Variants in SDR42E1 observed in about 807,000 individuals in gnomAD.
SDR42E1 encodes short chain dehydrogenase/reductase family 42E, member 1, also known as short-chain dehydrogenase/reductase family 42E member 1.
SDR42E1 carries 5 observed loss-of-function variants against 2.6 expected under a neutral mutation model. The ratio of observed to expected loss-of-function variants is 1.94; its 90% confidence interval spans 1.01 to 4.08. The LOEUF (loss-of-function observed/expected upper bound fraction) is 4.08, where lower values mean the gene tolerates loss of function less well. Ranked by LOEUF, SDR42E1 falls within the 30% of genes most tolerant of loss-of-function variation. The pLI, the probability that SDR42E1 is intolerant of heterozygous loss-of-function variation, is 0.00. For missense variants in SDR42E1, 596 were observed against 478.6 expected (o/e 1.25, Z -2.29); for synonymous variants, 231 against 188.3 (o/e 1.23, Z -1.86).
intron 1 of SDR42E1, among the ~76,000 whole-genome samples, chr16:82,004,529 C>T (rs1912872444): frequency 6.6e-6 from 1 of 152,234 alleles, no homozygotes; most frequent in South Asian, 2.1e-4. Flanking sequence ...GAGACAAGGT[C>T]TCACTCTGTT....
At position 81,999,693 on chromosome 16, in the gene SDR42E1, T is replaced by G. The variant is rs758928469; in HGVS notation, c.600A>C (p.Ile200=). Residue 200 remains isoleucine (I), a synonymous_variant, in exon 3 of 3, where the codon ATA becomes ATC. Coordinates refer to ENST00000328945, the MANE Select transcript of SDR42E1 (RefSeq NM_145168.3). ...GPGEQRHLPR[I]VSYIEKGLFK... is the part of the protein sequence containing the mutation. Reference sequence around the variant, plus strand: ...ACAGACCCTTCTCGATGTAGCTGACTATCCTGGGAAGGTGTCTTTGTTCTC... The same window carrying G: ...ACAGACCCTTCTCGATGTAGCTGACGATCCTGGGAAGGTGTCTTTGTTCTC... 6.2e-7 allele frequency: 1 copy of G among 1,614,200 alleles called. No homozygotes were observed. Among genetic ancestry groups the G allele is most frequent in the Non-Finnish European group, 8.5e-7 (1 of 1,180,034 alleles).
Position 81,999,918 on chromosome 16 carries a change from A to T in SDR42E1, c.375T>A (p.Asn125Lys). Residue 125 changes from asparagine (N) to lysine (K), a missense_variant, in exon 3 of 3, where the codon AAT becomes AAA. Transcript: ENST00000328945. ...VPRLVYTSTF[N>K]VIFGGQVIRN... is the part of the protein sequence containing the mutation. ...TGATAACTTGACCTCCAAAGATGAC[A>T]TTGAAAGTGCTGGTGTAAACTAACC... 1 of 1,614,236 alleles carries T rather than the reference A, an allele frequency of 6.2e-7. No homozygotes were observed. Among genetic ancestry groups the T allele is most frequent in the Non-Finnish European group, 8.5e-7 (1 of 1,180,030 alleles).
intron 1 of SDR42E1, among the ~76,000 whole-genome samples, chr16:82,010,352 G>C (rs7184886): frequency 2.6e-5 from 4 of 152,124 alleles, no homozygotes; most frequent in Non-Finnish European, 5.9e-5. Context: ...ACTTGAAGCC[G>C]GGTCTGTATG....
rs576073821 is a variant in SDR42E1, at chr16:81,999,418, A to G, written c.875T>C (p.Phe292Ser). 1.1e-4 allele frequency: 183 copies of G among 1,614,216 alleles called. No homozygotes were observed. Among genetic ancestry groups the G allele is most frequent in the Admixed American group, 9.0e-4 (54 of 60,034 alleles). Reference sequence around the variant, plus strand: ...AATGAAGTGAACCATCTCTGTTAGAAAAGCAAAGCAGTAGACCAAGGTCAA... The same window carrying G: ...AATGAAGTGAACCATCTCTGTTAGAGAAGCAAAGCAGTAGACCAAGGTCAA... The part of the protein sequence containing the change: ...LPLTLVYCFA[F>S]LTEMVHFILG... Residue 292 changes from phenylalanine (F) to serine (S), a missense_variant, in exon 3 of 3, where the codon TTT becomes TCT. Coordinates refer to ENST00000328945, the MANE Select transcript of SDR42E1 (RefSeq NM_145168.3).
intron 1 of SDR42E1, among the ~76,000 whole-genome samples, chr16:82,011,163 G>A (rs1281546057): frequency 6.6e-6 from 1 of 152,212 alleles, no homozygotes; most frequent in Admixed American, 6.5e-5. Context: ...AATGCGGAGG[G>A]CCAGTGTTTG....
At chr16:82,003,858 T>C (rs1445761120) in intron 1 of SDR42E1, among the ~76,000 whole-genome samples, 1 of 152,258 alleles carries the variant, frequency 6.6e-6, no homozygotes, top group African/African-American at 2.4e-5. Flanking sequence ...ACATAGTAGA[T>C]GCTCAATAAA....
At position 81,989,287 on chromosome 16, in the gene SDR42E1, G is replaced by A. The variant is rs1912374397; in HGVS notation, c.*9824C>T. Reference sequence around the variant, plus strand: ...TGAGTGAGAAACCGTAGTAGCAGAAGGAACTGTGAGGTGGGAGACAGTAGT... The same window carrying A: ...TGAGTGAGAAACCGTAGTAGCAGAAAGAACTGTGAGGTGGGAGACAGTAGT... On this transcript the variant is annotated 3_prime_UTR_variant, in exon 3 of 3. Coordinates refer to ENST00000328945, the MANE Select transcript of SDR42E1 (RefSeq NM_145168.3). 6.6e-6 allele frequency: 1 copy of A among 152,162 alleles called. No individual in the cohort carries two copies. Among genetic ancestry groups the A allele is most frequent in the Admixed American group, 6.5e-5 (1 of 15,272 alleles). 9.4% of individuals were successfully genotyped at this position (152,162 alleles called of 1,614,324 possible). A position where few individuals can be genotyped will look rare whatever the true frequency, so the allele number is the denominator to read the frequency against.
chr16:82,010,781 CA>C (rs1913100890), intron 1 of SDR42E1, among the ~76,000 whole-genome samples: 2 of 152,180 alleles, frequency 1.3e-5, no homozygotes, highest in Non-Finnish European at 2.9e-5. Flanking sequence ...AATACATCGT[CA>C]GGACCGCCTG....
chr16:81,995,696 A>G lies in SDR42E1; in HGVS notation c.*3415T>C, dbSNP rs890538140. On this transcript the variant is annotated 3_prime_UTR_variant, in exon 3 of 3. Coordinates refer to ENST00000328945, the MANE Select transcript of SDR42E1 (RefSeq NM_145168.3). ...GTGTGCTAGAAAAGAGTGTTCATCC[A>G]TAGCAGATGGGAAAACAGCATTCAT... 1.3e-5 allele frequency: 2 copies of G among 152,262 alleles called. No individual in the cohort carries two copies. The highest frequency in any genetic ancestry group is 1.9e-4 in the East Asian group (1 of 5,200). 9.4% of individuals were successfully genotyped at this position (152,262 alleles called of 1,614,324 possible).
In SDR42E1 at chr16:81,997,171, G is replaced by C. The variant is rs991888903; in HGVS notation, c.*1940C>G. 6.6e-6 allele frequency: 1 copy of C among 152,196 alleles called. No individual in the cohort carries two copies. The highest frequency in any genetic ancestry group is 1.5e-5 in the Non-Finnish European group (1 of 68,032). 9.4% of individuals were successfully genotyped at this position (152,196 alleles called of 1,614,324 possible). On this transcript the variant is annotated 3_prime_UTR_variant, in exon 3 of 3. Transcript: ENST00000328945. ...CCCAGTACCACTGCCAGCTTGAATG[G>C]AAAGGGATATAGTGCAAAATGTTAA...
chr16:82,001,961 TACACACAC>T (rs375862551), intron 1 of SDR42E1, among the ~76,000 whole-genome samples: 1 of 137,216 alleles, frequency 7.3e-6, no homozygotes. Flanking sequence ...TGGGTGCGTA[TACACACAC>T]ACACACACAC....
intron 1 of SDR42E1, chr16:82,007,795 G>C (rs894836312): frequency 1.2e-4 from 18 of 152,122 alleles, no homozygotes; most frequent in African/African-American, 2.4e-5. Flanking sequence ...TGGAAATCTG[G>C]GCATTAGACT....
rs1912489714 is a variant in SDR42E1 at position 81,994,158 on chromosome 16, G to C, written c.*4953C>G. The stretch of plus-strand genomic sequence containing the variant: ...AGTGAACTGAAGACTCACGTGAGAG[G>C]ACGATCTGGAATGATGAGCGTCCCG... On this transcript the variant is annotated 3_prime_UTR_variant, in exon 3 of 3. Transcript: ENST00000328945. The C allele has an allele frequency of 6.6e-6, 1 of 152,184 alleles. No homozygotes were observed. Among genetic ancestry groups the C allele is most frequent in the Non-Finnish European group, 1.5e-5 (1 of 68,042 alleles). 9.4% of individuals were successfully genotyped at this position (152,184 alleles called of 1,614,324 possible).
rs1343070857 is a variant in SDR42E1 at position 81,996,020 on chromosome 16, G to A, written c.*3091C>T. On this transcript the variant is annotated 3_prime_UTR_variant, in exon 3 of 3. Transcript: ENST00000328945. ...CCAAAAGGAGGAGCAGGGAGCCTGA[G>A]AAGCTTGGAGCCCAGGAACCTAAAA... is the stretch of plus-strand genomic sequence containing the variant. 6.6e-6 allele frequency: 1 copy of A among 152,308 alleles called. No homozygotes were observed. Among genetic ancestry groups the A allele is most frequent in the Non-Finnish European group, 1.5e-5 (1 of 68,132 alleles). The allele number at this position is 152,308 out of a possible 1,614,324, so 9.4% of individuals were successfully genotyped here. A position where few individuals can be genotyped will look rare whatever the true frequency, so the allele number is the denominator to read the frequency against.
intron 1 of SDR42E1, among the ~76,000 whole-genome samples, chr16:82,006,945 C>A (rs934883011): frequency 2.0e-5 from 3 of 152,224 alleles, no homozygotes; most frequent in Non-Finnish European, 2.9e-5. Flanking sequence ...GGACAGCTGT[C>A]TATAATTCAG....
rs572676726 is a variant in SDR42E1, at chr16:82,000,034, G to T, written c.259C>A (p.Arg87=). The T allele has an allele frequency of 1.2e-6, 2 of 1,614,114 alleles. No individual in the cohort carries two copies. The highest frequency in any genetic ancestry group is 1.7e-6 in the Non-Finnish European group (2 of 1,180,006). ...FHIASYGMSG[R]EQLNRNLIKE... ...ATCAGGTTTCGATTGAGTTGCTCCC[G>T]CCCTGACATACCATAAGAGGCAATA... Residue 87 remains arginine, a synonymous_variant, in exon 3 of 3, where the codon CGG becomes AGG. Transcript: ENST00000328945.
Position 81,998,026 on chromosome 16 carries a change from T to A in SDR42E1, c.*1085A>T, listed in dbSNP as rs1203317740. On this transcript the variant is annotated 3_prime_UTR_variant, in exon 3 of 3. Transcript: ENST00000328945. The stretch of plus-strand genomic sequence containing the variant: ...GCTGGAGCCATGGACAGACATGGAC[T>A]CTGTCTTCTTTCCACTTGGGTTCCT... 1 of 152,248 alleles carries A rather than the reference T, an allele frequency of 6.6e-6. No individual in the cohort carries two copies. Among genetic ancestry groups the A allele is most frequent in the East Asian group, 1.9e-4 (1 of 5,208 alleles). The allele number at this position is 152,248 out of a possible 1,614,324, so 9.4% of individuals were successfully genotyped here.
intron 1 of SDR42E1, chr16:82,007,862 C>T (rs1912993570): frequency 6.6e-6 from 1 of 152,218 alleles, no homozygotes. Flanking sequence ...CCTCTGTTTC[C>T]TCCGCCCTAA....
At chr16:82,001,157 G>C (rs530698226) in intron 1 of SDR42E1, among the ~76,000 whole-genome samples, 1 of 152,232 alleles carries the variant, frequency 6.6e-6, no homozygotes, top group African/African-American at 2.4e-5. Flanking sequence ...GCAGTGCTTT[G>C]AGAGCCACAA....
Sources: gnomAD v4.1 joint callset for allele counts (sites outside exome capture counted in the v4.1 genomes callset) on GRCh38, gnomAD v4.1.1 for gene constraint, MANE v1.5 for transcripts, NCBI Gene and HGNC (gene_info 2026-07-23, HGNC 2026-07-21) for gene names.